Variants in GNB5 observed in about 807,000 individuals in gnomAD.
The protein encoded by GNB5 is G protein subunit beta 5, also known as guanine nucleotide-binding protein subunit beta-5.
In GNB5, 37 loss-of-function variants were observed where a neutral mutation model predicts 55.3. The observed-to-expected ratio is 0.67, with a 90% CI of 0.51 to 0.88. The LOEUF is 0.88. GNB5 is among the 40% of genes least tolerant of loss of function. The probability of loss-of-function intolerance (pLI) is 0.00; values close to 1 mark genes in which losing one functional copy is unlikely to be tolerated. For synonymous variants in GNB5, 219 were observed against 198.5 expected (o/e 1.10, Z -0.87); for missense variants, 476 against 515.3 (o/e 0.92, Z 0.74).
intron 9 of GNB5, chr15:52,128,756 G>T (rs1297287249): frequency 4.4e-6 from 2 of 456,588 alleles, no homozygotes; most frequent in Non-Finnish European, 8.8e-6. Flanking sequence ...GACAGTCCAT[G>T]CAAAGAATCT....
At position 52,189,768 on chromosome 15, in the gene GNB5, C is replaced by A. The variant is rs375462522; in HGVS notation, c.-19+1554G>T. 2.4e-4 allele frequency among the ~76,000 whole-genome samples: 36 copies of A among 152,276 alleles called. 2 individuals are homozygous for A. Among genetic ancestry groups the A allele is most frequent in the African/African-American group, 7.9e-4 (33 of 41,548 alleles). ...AATGACGTTCTGACACATGCTACAA[C>A]ATGGTCAAACCTTAAAAACGCTATC... On this transcript the variant is annotated intron_variant, in intron 1 of 12. Coordinates refer to ENST00000261837, the MANE Select transcript of GNB5 (RefSeq NM_016194.4).
intron 7 of GNB5, among the ~76,000 whole-genome samples, chr15:52,138,143 G>A (rs950232157): frequency 2.6e-5 from 4 of 151,966 alleles, no homozygotes; most frequent in Non-Finnish European, 5.9e-5. Flanking sequence ...AGCACTTTGG[G>A]AGGCTGAGGT....
At chr15:52,144,408 T>C (rs561462250) in intron 6 of GNB5, 1 of 152,364 alleles carries the variant, frequency 6.6e-6, no homozygotes, top group Admixed American at 6.5e-5. Flanking sequence ...ATGCATCTGC[T>C]AAAATTCATG....
rs555241605 is a variant in GNB5, at chr15:52,133,690, C to T, written c.772-221G>A. Among the ~76,000 whole-genome samples the T allele has an allele frequency of 7.9e-5, 12 of 152,340 alleles. No individual in the cohort carries two copies. The East Asian group carries it at 1.3e-3, about 17-fold the overall frequency. On this transcript the variant is annotated intron_variant, in intron 8 of 12. Coordinates refer to ENST00000261837, the MANE Select transcript of GNB5 (RefSeq NM_016194.4). The stretch of plus-strand genomic sequence containing the variant: ...GATGGGAGGCAGGAGGGAAGGCACT[C>T]GGCTTCCTCTTTTAGCTTGTTTTCT...
chr15:52,157,641 T>A, intron 3 of GNB5, among the ~76,000 whole-genome samples: 1 of 152,138 alleles, frequency 6.6e-6, no homozygotes, highest in Non-Finnish European at 1.5e-5. Context: ...TATTGCTGCT[T>A]CCCCCAATTC....
intron 2 of GNB5, chr15:52,180,100 G>C (rs72734919): frequency 0.011 from 4,433 of 396,762 alleles, 31 homozygotes; most frequent in South Asian, 0.018. Context: ...GTCCGCGTCA[G>C]CCTCTCTCCT....
rs900137380 is a variant in GNB5, at chr15:52,147,472, C to T, written c.481G>A (p.Ala161Thr). ...MACAYAPSGC[A>T]IACGGLDNKC... ...GCTCCAACTTACCCACAAGCAATGGCACATCCCGATGGGGCATAAGCACAT... is the reference window on the plus strand; with the variant it reads ...GCTCCAACTTACCCACAAGCAATGGTACATCCCGATGGGGCATAAGCACAT... The change falls in exon 6 of 13, where the codon GCC becomes ACC. Residue 161 changes from alanine to threonine, a missense_variant. Coordinates refer to ENST00000261837, the MANE Select transcript of GNB5 (RefSeq NM_016194.4). 4 of 1,599,114 alleles carry T rather than the reference C, an allele frequency of 2.5e-6. No homozygotes were observed. Among genetic ancestry groups the T allele is most frequent in the Non-Finnish European group, 3.4e-6 (4 of 1,166,388 alleles).
chr15:52,181,528 A>G (rs909617316), intron 2 of GNB5, among the ~76,000 whole-genome samples: 1 of 152,180 alleles, frequency 6.6e-6, no homozygotes, highest in Non-Finnish European at 1.5e-5. Flanking sequence ...AGGCACGAGA[A>G]TCGCTTGAAC....
chr15:52,169,538 CAAAAAAAAAAA>C (rs60470864), intron 3 of GNB5, among the ~76,000 whole-genome samples: 1 of 71,496 alleles, frequency 1.4e-5, no homozygotes, highest in South Asian at 7.5e-4. Context: ...GACTCTGTCT[CAAAAAAAAAAA>C]AAAAAAAAAA....
intron 6 of GNB5, among the ~76,000 whole-genome samples, chr15:52,142,755 G>A (rs1289627587): frequency 1.3e-5 from 2 of 152,076 alleles, no homozygotes; most frequent in Non-Finnish European, 2.9e-5. Context: ...TGAGGCACTG[G>A]GAAAGCCAAG....
chr15:52,144,027 T>C (rs2033916681), intron 6 of GNB5: 1 of 152,224 alleles, frequency 6.6e-6, no homozygotes, highest in African/African-American at 2.4e-5. Context: ...TGCTAGCACC[T>C]CCCACATGCC....
At chr15:52,139,769 A>G (rs2033808680) in intron 7 of GNB5, 2 of 1,205,168 alleles carry the variant, frequency 1.7e-6, no homozygotes, top group Admixed American at 5.5e-5. Context: ...ACTTCCCTTT[A>G]TCTCCGGCTA....
intron 3 of GNB5, among the ~76,000 whole-genome samples, chr15:52,165,935 T>A (rs1470780366): frequency 1.3e-5 from 2 of 152,152 alleles, no homozygotes; most frequent in South Asian, 4.1e-4. Flanking sequence ...GTATGCTATA[T>A]TCAAGAGCCC....
At chr15:52,144,931 G>A (rs1300608731) in intron 6 of GNB5, among the ~76,000 whole-genome samples, 1 of 152,056 alleles carries the variant, frequency 6.6e-6, no homozygotes, top group Admixed American at 6.6e-5. Context: ...CTGCCCCAGG[G>A]GTCTCCTCCT....
At chr15:52,177,652 A>G (rs1225051760) in intron 3 of GNB5, among the ~76,000 whole-genome samples, 1 of 133,720 alleles carries the variant, frequency 7.5e-6, no homozygotes, top group East Asian at 2.0e-4. Flanking sequence ...CTCCGTGTCA[A>G]AAAAAAAAAA....
intron 1 of GNB5, among the ~76,000 whole-genome samples, chr15:52,188,139 C>A (rs2034871564): frequency 6.6e-6 from 1 of 152,004 alleles, no homozygotes; most frequent in Non-Finnish European, 1.5e-5. Context: ...CCATATACTA[C>A]TTTATATAAT....
At chr15:52,129,540 TCATGG>T (rs898539872) in intron 9 of GNB5, among the ~76,000 whole-genome samples, 1 of 152,192 alleles carries the variant, frequency 6.6e-6, no homozygotes, top group Non-Finnish European at 1.5e-5. Flanking sequence ...CATTATGAAT[TCATGG>T]AGTATCTGAC....
At chr15:52,180,068 C>G (rs759716199) in intron 2 of GNB5, 189 bp from the exon 3 acceptor site, 109 of 603,576 alleles carry the variant, frequency 1.8e-4, no homozygotes, top group Non-Finnish European at 2.5e-4. Flanking sequence ...GGCGCGCGCT[C>G]TGGCGCAGTG....
intron 7 of GNB5, among the ~76,000 whole-genome samples, chr15:52,136,742 GGTT>G (rs2033733845): frequency 6.6e-6 from 1 of 152,146 alleles, no homozygotes; most frequent in South Asian, 2.1e-4. Flanking sequence ...AATGCATGAG[GGTT>G]TGCAGAAAGA....
Sources: gnomAD v4.1 joint callset for allele counts (sites outside exome capture counted in the v4.1 genomes callset) on GRCh38, gnomAD v4.1.1 for gene constraint, MANE v1.5 for transcripts, NCBI Gene and HGNC (gene_info 2026-07-23, HGNC 2026-07-21) for gene names.